The following PLOD2 variants were observed in gnomAD, a reference collection of about 807,000 sequenced individuals.
PLOD2 encodes procollagen-lysine,2-oxoglutarate 5-dioxygenase 2.
Under a neutral mutation model 101.0 loss-of-function variants are expected in PLOD2, and 65 were observed. The observed-to-expected ratio is 0.64, with a 90% CI of 0.53 to 0.79. The LOEUF (loss-of-function observed/expected upper bound fraction) is 0.79. PLOD2 is among the 30% of genes least tolerant of loss of function. The pLI, the probability that PLOD2 is intolerant of heterozygous loss-of-function variation, is 0.00. For synonymous variants in PLOD2, 314 were observed against 302.9 expected, an observed-to-expected ratio of 1.04 and a Z score of -0.38; for missense variants, 909 against 914.6, an observed-to-expected ratio of 0.99 and a Z score of 0.08.
intron 14 of PLOD2, chr3:146,077,148 T>C: frequency 1.8e-6 from 2 of 1,119,888 alleles, no homozygotes; most frequent in Non-Finnish European, 2.2e-6. Context: ...ACTGTTTTTG[T>C]CCCTTTCTCA....
At chr3:146,155,329 A>T (rs116419347) in intron 1 of PLOD2, among the ~76,000 whole-genome samples, 13,100 of 150,576 alleles carry the variant, frequency 0.087, 729 homozygotes, top group South Asian at 0.14. Context: ...GTCTATAAAT[A>T]AATTAATTAA....
chr3:146,137,861 A>G (rs2031323653), intron 1 of PLOD2, among the ~76,000 whole-genome samples: 2 of 152,156 alleles, frequency 1.3e-5, no homozygotes, highest in Admixed American at 1.3e-4. Context: ...ATTCTAGATA[A>G]CAGCCCTATG....
At chr3:146,114,319 G>A (rs1321163661) in intron 3 of PLOD2, among the ~76,000 whole-genome samples, 3 of 152,074 alleles carry the variant, frequency 2.0e-5, no homozygotes, top group East Asian at 3.9e-4. Flanking sequence ...AAAACTTGCT[G>A]GTTTTCAAGG....
At chr3:146,071,736 GTCT>G (rs1188062954) in intron 17 of PLOD2, among the ~76,000 whole-genome samples, 2 of 151,636 alleles carry the variant, frequency 1.3e-5, no homozygotes, top group African/African-American at 4.8e-5. Flanking sequence ...TTAAAAATGA[GTCT>G]TTTTTTACAG....
chr3:146,070,941 T>C, intron 19 of PLOD2, 69 bp from the exon 20 acceptor site: 1 of 1,517,998 alleles, frequency 6.6e-7, no homozygotes, highest in South Asian at 1.1e-5. Flanking sequence ...AATTATGTCA[T>C]TTGAGCAAAA....
At chr3:146,088,929 T>C in intron 8 of PLOD2, 1 of 524,912 alleles carries the variant, frequency 1.9e-6, no homozygotes, top group Non-Finnish European at 3.4e-6. Flanking sequence ...ATCTTGGTTA[T>C]GAGTTAGGTT....
In PLOD2 at chr3:146,071,427, G is replaced by GA; in HGVS notation, c.1849-5dup. On this transcript the variant is annotated splice_polypyrimidine_tract_variant and splice_region_variant and intron_variant, in intron 17 of 19. Coordinates refer to ENST00000282903, the MANE Select transcript of PLOD2 (RefSeq NM_182943.3). ...AACCACCAGATATACGGCTATCCTA[G>GA]AAACAACATTAATGACATAATAAGC... 5 of 1,610,844 alleles carry GA rather than the reference G, an allele frequency of 3.1e-6. No homozygotes were observed. Among genetic ancestry groups the GA allele is most frequent in the Non-Finnish European group, 4.2e-6 (5 of 1,177,732 alleles).
At chr3:146,110,228 G>A in intron 4 of PLOD2, 57 bp downstream of exon 4, 2 of 1,439,562 alleles carry the variant, frequency 1.4e-6, no homozygotes, top group South Asian at 1.1e-5. Context: ...TACAAAAATG[G>A]TTGTTTCATT....
intron 7 of PLOD2, among the ~76,000 whole-genome samples, chr3:146,097,218 G>T (rs1937223950): frequency 6.6e-6 from 1 of 151,484 alleles, no homozygotes; most frequent in South Asian, 2.1e-4. Flanking sequence ...CATCCGGGAG[G>T]TGAGGGGCGC....
intron 13 of PLOD2, among the ~76,000 whole-genome samples, 158 bp from the exon 14 acceptor site, chr3:146,078,082 C>G (rs1428949274): frequency 6.6e-6 from 1 of 151,830 alleles, no homozygotes; most frequent in African/African-American, 2.4e-5. Flanking sequence ...ATAGCACACA[C>G]AAAGAAACAT....
At chr3:146,101,178 A>C (rs150099268) in intron 7 of PLOD2, among the ~76,000 whole-genome samples, 19 of 152,258 alleles carry the variant, frequency 1.2e-4, no homozygotes, top group Non-Finnish European at 2.2e-4. Flanking sequence ...CTTAGGAAAG[A>C]CACAGGAGTT....
At chr3:146,112,528 T>C (rs138815584) in intron 3 of PLOD2, among the ~76,000 whole-genome samples, 7 of 151,740 alleles carry the variant, frequency 4.6e-5, no homozygotes, top group East Asian at 1.9e-4. Context: ...GGGAGAGCAT[T>C]AGGACAAATA....
At chr3:146,119,130 A>C (rs9882583) in intron 3 of PLOD2, among the ~76,000 whole-genome samples, 78,363 of 151,812 alleles carry the variant, frequency 0.52, 20,329 homozygotes, top group East Asian at 0.56. Flanking sequence ...TAGCACCATC[A>C]CCCTAGTGAT....
intron 12 of PLOD2, 48 bp downstream of exon 12, chr3:146,081,690 C>G (rs577074475): frequency 6.7e-7 from 1 of 1,501,606 alleles, no homozygotes; most frequent in Admixed American, 1.7e-5. Flanking sequence ...AAGACTACAT[C>G]TTTAGATTAT....
chr3:146,073,221 A>G (rs899902820), intron 16 of PLOD2, 66 bp downstream of exon 16: 23 of 649,066 alleles, frequency 3.5e-5, no homozygotes, highest in Middle Eastern at 2.7e-4. Context: ...TGAAAGTAGT[A>G]TTAATAATAT....
chr3:146,071,383 T>C lies in PLOD2; in HGVS notation c.1889A>G (p.Asp630Gly). The C allele has an allele frequency of 1.2e-6, 2 of 1,611,948 alleles. No individual in the cohort carries two copies. The highest frequency in any genetic ancestry group is 4.5e-5 in the East Asian group (2 of 44,790). The stretch of plus-strand genomic sequence containing the variant: ...ATCAACTTGCTTCATGTGGATATCA[T>C]CAGTTGGGACATTTTCATAACCACC... ...ISGGYENVPT[D>G]DIHMKQVDLE... Residue 630 changes from aspartate to glycine, a missense_variant, in exon 18 of 20, where the codon GAT becomes GGT. By Grantham distance (94) the Asp-to-Gly change is moderately conservative. Transcript: ENST00000282903.
intron 5 of PLOD2, among the ~76,000 whole-genome samples, chr3:146,106,178 G>T (rs1937531924): frequency 6.6e-6 from 1 of 152,148 alleles, no homozygotes; most frequent in African/African-American, 2.4e-5. Context: ...CATGACAGTG[G>T]TGTGAGGGCT....
rs757048547 is a variant in PLOD2 at position 146,161,006 on chromosome 3, C to T, written c.-17G>A. Reference sequence around the variant, plus strand: ...TCCCCCCATATTCGGCCCTCGAGGGCCGCGCGGGCTCAGGCGCCCACGGCC... The same window carrying T: ...TCCCCCCATATTCGGCCCTCGAGGGTCGCGCGGGCTCAGGCGCCCACGGCC... On this transcript the variant is annotated 5_prime_UTR_variant, in exon 1 of 20. Coordinates refer to ENST00000282903, the MANE Select transcript of PLOD2 (RefSeq NM_182943.3). 1.3e-6 allele frequency: 2 copies of T among 1,528,208 alleles called. No individual in the cohort carries two copies. The highest frequency in any genetic ancestry group is 1.9e-5 in the Admixed American group (1 of 52,456). 94.7% of individuals were successfully genotyped at this position (1,528,208 alleles called of 1,614,324 possible).
At chr3:146,147,927 C>G (rs912181699) in intron 1 of PLOD2, among the ~76,000 whole-genome samples, 1 of 152,134 alleles carries the variant, frequency 6.6e-6, no homozygotes, top group South Asian at 2.1e-4. Flanking sequence ...AAGGAAAACC[C>G]AGGGTTTCCA....
Sources: gnomAD v4.1 joint callset for allele counts (sites outside exome capture counted in the v4.1 genomes callset) on GRCh38, gnomAD v4.1.1 for gene constraint, MANE v1.5 for transcripts, NCBI Gene and HGNC (gene_info 2026-07-23, HGNC 2026-07-21) for gene names.